The following SH3BGRL variants were observed in gnomAD, a reference collection of about 807,000 sequenced individuals.
SH3BGRL encodes the protein SH3 domain binding glutamate rich protein like, also known as adapter SH3BGRL.
Under a neutral mutation model 9.8 loss-of-function variants are expected in SH3BGRL, and 7 were observed. That is an observed-to-expected ratio of 0.72 (90% CI 0.41 to 1.35). The LOEUF (loss-of-function observed/expected upper bound fraction) is 1.35. Among genes scored for constraint, SH3BGRL ranks in the 40% most tolerant of loss-of-function variants. The pLI is 0.01. For synonymous variants in SH3BGRL, 36 were observed against 29.1 expected (o/e 1.24, Z -0.76); for missense variants, 73 against 84.4 (o/e 0.86, Z 0.53).
Position 81,297,214 on chromosome X carries a change from AGCAGCAAGCATG to A in SH3BGRL, c.333_344del (p.Gln112_Ter115delextTer3). On this transcript the variant is annotated stop_lost and inframe_deletion, in exon 4 of 4. Coordinates refer to ENST00000373212, the MANE Select transcript of SH3BGRL (RefSeq NM_003022.3). Reference sequence around the variant, plus strand: ...TTTCAGGAAGCAGAAGTGCAAGCAAAGCAGCAAGCATGAACCTTAAGCACTGTGCTTTAAGCA... The same window carrying A: ...TTTCAGGAAGCAGAAGTGCAAGCAAAAACCTTAAGCACTGTGCTTTAAGCA... 1 of 1,208,143 alleles carries A rather than the reference AGCAGCAAGCATG, an allele frequency of 8.3e-7. No homozygotes were observed. The highest frequency in any genetic ancestry group is 1.1e-6 in the Non-Finnish European group (1 of 892,845).
chrX:81,291,108 G>A (rs1364245303), intron 3 of SH3BGRL, among the ~76,000 whole-genome samples: 2 of 111,782 alleles, frequency 1.8e-5, no homozygotes, highest in Non-Finnish European at 3.8e-5. Flanking sequence ...TATTCATTTT[G>A]ACATCTAAAC....
intron 1 of SH3BGRL, among the ~76,000 whole-genome samples, chrX:81,259,038 A>ATTACTT (rs1432461977): frequency 8.9e-6 from 1 of 112,557 alleles, no homozygotes; most frequent in Non-Finnish European, 1.9e-5. Context: ...TTAATTGATT[A>ATTACTT]TTACTTTTCT....
At chrX:81,256,490 A>G (rs952347382) in intron 1 of SH3BGRL, among the ~76,000 whole-genome samples, 5 of 111,721 alleles carry the variant, frequency 4.5e-5, no homozygotes, top group Non-Finnish European at 9.4e-5. Flanking sequence ...TGAGCAGAAC[A>G]CTTTTGGAGT....
At chrX:81,214,355 G>T (rs914801879) in intron 1 of SH3BGRL, among the ~76,000 whole-genome samples, 2 of 111,231 alleles carry the variant, frequency 1.8e-5, no homozygotes, top group African/African-American at 6.5e-5. Context: ...TGACTAGTTT[G>T]GTGAGAGGAA....
At chrX:81,289,758 T>C (rs1045865119) in intron 3 of SH3BGRL, among the ~76,000 whole-genome samples, 3 of 111,456 alleles carry the variant, frequency 2.7e-5, no homozygotes, top group Non-Finnish European at 5.6e-5. Context: ...CTCAGGAAGC[T>C]GAGACACGAA....
chrX:81,267,007 T>G (rs2075759333), intron 1 of SH3BGRL, among the ~76,000 whole-genome samples: 1 of 111,621 alleles, frequency 9.0e-6, no homozygotes, highest in South Asian at 3.8e-4. Context: ...GCTCTCTGTT[T>G]GTCTGTTATT....
At chrX:81,284,188 TC>T (rs777120739) in intron 3 of SH3BGRL, among the ~76,000 whole-genome samples, 5 of 110,585 alleles carry the variant, frequency 4.5e-5, no homozygotes, top group African/African-American at 1.6e-4. Context: ...TGGAAACACA[TC>T]CCATGCTCAT....
intron 1 of SH3BGRL, among the ~76,000 whole-genome samples, chrX:81,216,311 G>T (rs5959854): frequency 9.1e-6 from 1 of 110,039 alleles, no homozygotes; most frequent in Non-Finnish European, 1.9e-5. Context: ...ATTTTTGTGC[G>T]TACAGAGTAG....
At chrX:81,273,302 T>C (rs1292196479) in intron 1 of SH3BGRL, among the ~76,000 whole-genome samples, 3 of 112,717 alleles carry the variant, frequency 2.7e-5, no homozygotes, top group Non-Finnish European at 5.6e-5. Context: ...GCCATTCTCT[T>C]GGCTCCTCTC....
intron 1 of SH3BGRL, among the ~76,000 whole-genome samples, chrX:81,211,583 T>C (rs1187763197): frequency 1.8e-5 from 2 of 108,980 alleles, no homozygotes; most frequent in Admixed American, 1.9e-4. Context: ...CGAGACTCCG[T>C]CTCAAAAAAA....
rs1429835931 is a variant in SH3BGRL, at chrX:81,237,728, G to A, written c.45+35483G>A. On this transcript the variant is annotated intron_variant, in intron 1 of 3. Transcript: ENST00000373212. ...TGAGTCCAGATACAGTAGACTGTGG[G>A]GCACATGAGCTACTAAGACAATAGC... is the stretch of plus-strand genomic sequence containing the variant. Among the ~76,000 whole-genome samples the A allele has an allele frequency of 3.1e-4, 34 of 109,187 alleles. No homozygotes were observed. The Admixed American group carries it at 3.3e-3, about 11-fold the overall frequency. The allele number at this position is 109,187 out of a possible 115,157, so 94.8% of individuals were successfully genotyped here.
At chrX:81,209,183 T>G (rs1242652887) in intron 1 of SH3BGRL, among the ~76,000 whole-genome samples, 1 of 108,943 alleles carries the variant, frequency 9.2e-6, no homozygotes, top group Non-Finnish European at 1.9e-5. Flanking sequence ...AACTTTTGTA[T>G]TTTTGGTAGA....
At chrX:81,251,152 T>G (rs2075709019) in intron 1 of SH3BGRL, among the ~76,000 whole-genome samples, 1 of 112,297 alleles carries the variant, frequency 8.9e-6, no homozygotes, top group African/African-American at 3.2e-5. Flanking sequence ...ATTACTCGTA[T>G]TTTAATGGAT....
In SH3BGRL at chrX:81,225,217, T is replaced by C. The variant is rs765443364; in HGVS notation, c.45+22972T>C. Among the ~76,000 whole-genome samples the C allele has an allele frequency of 9.9e-5, 11 of 111,414 alleles. No individual in the cohort carries two copies. The South Asian group carries it at 4.2e-3, about 42-fold the overall frequency. On this transcript the variant is annotated intron_variant, in intron 1 of 3. Coordinates refer to ENST00000373212, the MANE Select transcript of SH3BGRL (RefSeq NM_003022.3). ...TTCTTTCAACAAAAATAAAATTTGA[T>C]AAGATCTTCAGTATTAGGGGAATAA... is the stretch of plus-strand genomic sequence containing the variant.
intron 1 of SH3BGRL, among the ~76,000 whole-genome samples, chrX:81,214,360 G>A (rs968945046): frequency 4.5e-5 from 5 of 111,378 alleles, no homozygotes; most frequent in African/African-American, 1.6e-4. Flanking sequence ...AGTTTGGTGA[G>A]AGGAAAGGAA....
intron 1 of SH3BGRL, among the ~76,000 whole-genome samples, chrX:81,204,813 C>G (rs1473584145): frequency 8.9e-6 from 1 of 112,181 alleles, no homozygotes; most frequent in Non-Finnish European, 1.9e-5. Context: ...CAGAGCGAGA[C>G]TTTCTCTCAA....
intron 3 of SH3BGRL, among the ~76,000 whole-genome samples, chrX:81,278,658 A>T (rs1271591874): frequency 8.9e-6 from 1 of 111,806 alleles, no homozygotes; most frequent in Admixed American, 9.5e-5. Context: ...ATGGGAGCAA[A>T]TTTCTCATTG....
At chrX:81,202,836 A>C (rs1273917059) in intron 1 of SH3BGRL, 1 of 111,829 alleles carries the variant, frequency 8.9e-6, no homozygotes, top group East Asian at 2.8e-4. Flanking sequence ...GGTAACAATG[A>C]CGTAAATTTT....
chrX:81,278,634 C>T (rs2075806221), intron 3 of SH3BGRL, among the ~76,000 whole-genome samples: 2 of 111,979 alleles, frequency 1.8e-5, no homozygotes, highest in South Asian at 7.4e-4. Flanking sequence ...AGTGACTTCC[C>T]CATCAAGCTG....
Sources: allele counts gnomAD v4.1 joint callset (sites outside exome capture counted in the v4.1 genomes callset), GRCh38; gene constraint gnomAD v4.1.1; transcripts MANE v1.5; gene names NCBI Gene and HGNC (gene_info 2026-07-23, HGNC 2026-07-21).